The following SGK3 variants were observed in gnomAD, a reference collection of about 807,000 sequenced individuals.
SGK3 encodes serum/glucocorticoid regulated kinase family member 3.
A neutral mutation model predicts 68.5 loss-of-function variants in SGK3; 47 were observed. The ratio of observed to expected loss-of-function variants is 0.69; its 90% CI spans 0.54 to 0.87. The LOEUF (loss-of-function observed/expected upper bound fraction) is 0.87. Among genes scored for constraint, SGK3 ranks in the 40% least tolerant of loss-of-function variants. SGK3 has a pLI of 0.00. For missense variants in SGK3, 479 were observed against 575.5 expected (o/e 0.83, Z 1.72); for synonymous variants, 181 against 189.1 (o/e 0.96, Z 0.35).
At chr8:66,786,925 C>CTTCTTTTTTTTTTCTTTT (rs1807225661) in intron 1 of SGK3, among the ~76,000 whole-genome samples, 1 of 48,684 alleles carries the variant, frequency 2.1e-5, no homozygotes. Flanking sequence ...TTTTCTCTGT[C>CTTCTTTTTTTTTTCTTTT]TTTTTTTTTT....
At chr8:66,734,944 CAAAA>C (rs35047133) in intron 1 of SGK3, among the ~76,000 whole-genome samples, 1 of 91,162 alleles carries the variant, frequency 1.1e-5, no homozygotes, top group Non-Finnish European at 2.5e-5. Context: ...GGCTCCATCT[CAAAA>C]AAAAAAAAAA....
intron 1 of SGK3, among the ~76,000 whole-genome samples, chr8:66,718,133 C>T (rs1166584552): frequency 1.3e-5 from 2 of 151,836 alleles, no homozygotes; most frequent in Admixed American, 6.6e-5. Context: ...TCAAGCGATT[C>T]TCCTGCCTCA....
intron 1 of SGK3, among the ~76,000 whole-genome samples, chr8:66,758,746 G>A (rs556113761): frequency 6.6e-6 from 1 of 151,980 alleles, no homozygotes; most frequent in Non-Finnish European, 1.5e-5. Flanking sequence ...AAACTCCCGG[G>A]CTCAAGCAGT....
chr8:66,734,255 T>G, intron 1 of SGK3, among the ~76,000 whole-genome samples: 2 of 150,152 alleles, frequency 1.3e-5, no homozygotes, highest in Non-Finnish European at 3.0e-5. Flanking sequence ...TTTTTACCAT[T>G]TTGAAATGAT....
At chr8:66,836,418 C>T (rs574290303) in intron 10 of SGK3, among the ~76,000 whole-genome samples, 1 of 152,238 alleles carries the variant, frequency 6.6e-6, no homozygotes, top group South Asian at 2.1e-4. Context: ...AAATATTACT[C>T]CAGCTTCTCA....
intron 2 of SGK3, among the ~76,000 whole-genome samples, chr8:66,797,011 T>A (rs1369471283): frequency 2.0e-5 from 3 of 152,206 alleles, no homozygotes; most frequent in African/African-American, 7.2e-5. Flanking sequence ...TCTACTGTTT[T>A]ATTAGTACAT....
At chr8:66,793,541 C>T in intron 1 of SGK3, 75 bp from the exon 2 acceptor site, 1 of 466,120 alleles carries the variant, frequency 2.1e-6, no homozygotes, top group Non-Finnish European at 3.9e-6. Flanking sequence ...AAATTAGTCC[C>T]ATGCTTAAAG....
Position 66,718,571 on chromosome 8 carries a change from C to T in SGK3, c.-122+5738C>T, listed in dbSNP as rs149392175. Among the ~76,000 whole-genome samples the T allele has an allele frequency of 2.4e-3, 362 of 151,830 alleles. 1 individual carries two copies. Among genetic ancestry groups the T allele is most frequent in the African/African-American group, 8.4e-3 (347 of 41,384 alleles). On this transcript the variant is annotated intron_variant, in intron 1 of 16. Transcript: ENST00000521198. ...TGAGACAAACTCTCACTGTGTTGCT[C>T]CCACTGGAGTGCAGTGGCACGATTT...
intron 1 of SGK3, among the ~76,000 whole-genome samples, chr8:66,716,865 T>G (rs1804647947): frequency 6.6e-6 from 1 of 152,166 alleles, no homozygotes; most frequent in South Asian, 2.1e-4. Context: ...TGTAGGTAGC[T>G]TTCTTCAAGC....
At chr8:66,741,244 A>T (rs1421673402) in intron 1 of SGK3, among the ~76,000 whole-genome samples, 1 of 152,110 alleles carries the variant, frequency 6.6e-6, no homozygotes, top group South Asian at 2.1e-4. Context: ...GTCTCAGAGT[A>T]TAGACTTTAA....
intron 5 of SGK3, among the ~76,000 whole-genome samples, chr8:66,815,745 T>C (rs1357349794): frequency 6.6e-6 from 1 of 152,206 alleles, no homozygotes. Context: ...CCCCTAACAC[T>C]ATATAATATA....
intron 1 of SGK3, among the ~76,000 whole-genome samples, chr8:66,770,313 G>A (rs1165052318): frequency 1.3e-5 from 2 of 152,126 alleles, no homozygotes; most frequent in African/African-American, 4.8e-5. Flanking sequence ...TGCATGCCTT[G>A]TAATACTGAA....
intron 4 of SGK3, among the ~76,000 whole-genome samples, chr8:66,810,731 A>C (rs1182481746): frequency 6.6e-6 from 1 of 152,130 alleles, no homozygotes; most frequent in Non-Finnish European, 1.5e-5. Flanking sequence ...ATAAAATCAT[A>C]CCTGAGAAAA....
At chr8:66,726,784 G>T (rs1259249085) in intron 1 of SGK3, among the ~76,000 whole-genome samples, 1 of 107,478 alleles carries the variant, frequency 9.3e-6, no homozygotes, top group Non-Finnish European at 1.7e-5. Context: ...CTGAATGACA[G>T]AGCAAGACCC....
At chr8:66,767,295 A>T in intron 1 of SGK3, 1 of 727,228 alleles carries the variant, frequency 1.4e-6, no homozygotes, top group Non-Finnish European at 2.2e-6. Context: ...TTTCCTTTTA[A>T]TGGTTATTTT....
At chr8:66,746,575 G>A (rs1805661004) in intron 1 of SGK3, among the ~76,000 whole-genome samples, 1 of 151,628 alleles carries the variant, frequency 6.6e-6, no homozygotes, top group South Asian at 2.1e-4. Context: ...TTTTTTAAAG[G>A]CAAAATCTCA....
chr8:66,813,900 C>A lies in SGK3; in HGVS notation c.301C>A (p.Leu101Ile). 6.3e-7 allele frequency: 1 copy of A among 1,594,988 alleles called. No individual in the cohort carries two copies. The highest frequency in any genetic ancestry group is 8.5e-7 in the Non-Finnish European group (1 of 1,171,598). ...RAGLNEFIQNLVRYPELYNHP... is the reference protein window; with the variant it reads ...RAGLNEFIQNIVRYPELYNHP... ...AGGACTAAACGAATTCATTCAGAACCTAGTTAGGTATCCAGAACTTTATAA... is the reference window on the plus strand; with the variant it reads ...AGGACTAAACGAATTCATTCAGAACATAGTTAGGTATCCAGAACTTTATAA... The change falls in exon 5 of 17, where the codon CTA (leucine) becomes ATA (isoleucine). Residue 101 changes from leucine (L) to isoleucine (I), a missense_variant. Physicochemically the swap from Leu to Ile is conservative, Grantham distance 5. This residue lies in a region of SGK3 where 298 missense variants were observed against 329.4 expected (regional missense o/e 0.90). Coordinates refer to ENST00000521198, the MANE Select transcript of SGK3 (RefSeq NM_001033578.3).
intron 4 of SGK3, among the ~76,000 whole-genome samples, chr8:66,805,628 A>C (rs1808127349): frequency 6.6e-6 from 1 of 152,174 alleles, no homozygotes; most frequent in Admixed American, 6.5e-5. Context: ...AGCTGCAGGC[A>C]TGGAATTTTC....
intron 1 of SGK3, chr8:66,767,787 C>G: frequency 6.4e-7 from 1 of 1,573,524 alleles, no homozygotes; most frequent in African/African-American, 1.3e-5. Context: ...TCTTTACTGA[C>G]TTTTCTGTAG....
Sources: allele counts gnomAD v4.1 joint callset (sites outside exome capture counted in the v4.1 genomes callset), GRCh38; gene constraint gnomAD v4.1.1; regional missense constraint gnomAD v4.1.1; transcripts MANE v1.5; gene names NCBI Gene and HGNC (gene_info 2026-07-23, HGNC 2026-07-21).